The following NRIP1 variants were observed in gnomAD, a reference collection of about 807,000 sequenced individuals.
The protein encoded by NRIP1 is nuclear receptor-interacting protein 1.
In NRIP1, 28 loss-of-function variants were observed where a neutral mutation model predicts 75.0. That is an observed-to-expected ratio of 0.37 (90% CI 0.28 to 0.51). The LOEUF is 0.51. Among genes scored for constraint, NRIP1 ranks in the 20% least tolerant of loss-of-function variants. The pLI is 0.92. For missense variants in NRIP1, 1,435 were observed against 1,343.7 expected (o/e 1.07, Z -1.06); for synonymous variants, 526 against 487.6 (o/e 1.08, Z -1.04).
At chr21:15,008,478 A>G (rs1297626449) in intron 3 of NRIP1, among the ~76,000 whole-genome samples, 1 of 152,186 alleles carries the variant, frequency 6.6e-6, no homozygotes, top group East Asian at 1.9e-4. Context: ...GGGCAAAACT[A>G]GGAATGACCT....
rs369981486 is a variant in NRIP1, at chr21:15,003,750, CCT to C, written c.-335+10592_-335+10593del. On this transcript the variant is annotated intron_variant, in intron 3 of 3. Transcript: ENST00000318948. ...CAAAGCATAGGCTGCAAAATTATCC[CCT>C]GTCAAAAGAAAGAGCAGCTGCGGGT... Among the ~76,000 whole-genome samples the C allele has an allele frequency of 8.7e-4, 132 of 152,294 alleles. No homozygotes were observed. In the East Asian group the frequency reaches 0.011, roughly 12 times the overall value.
intron 1 of NRIP1, among the ~76,000 whole-genome samples, chr21:15,061,746 C>T (rs1195486682): frequency 6.6e-6 from 1 of 152,120 alleles, no homozygotes; most frequent in East Asian, 1.9e-4. Context: ...ACATTCTTTA[C>T]GTTTTAAAAT....
At chr21:14,977,598 T>C (rs980160376) in intron 3 of NRIP1, among the ~76,000 whole-genome samples, 25 of 148,310 alleles carry the variant, frequency 1.7e-4, no homozygotes, top group Admixed American at 1.4e-3. Flanking sequence ...GGAAAAAACA[T>C]TTAAAAAGGA....
At chr21:15,047,728 C>T (rs1333148161) in intron 1 of NRIP1, among the ~76,000 whole-genome samples, 2 of 152,084 alleles carry the variant, frequency 1.3e-5, no homozygotes. Context: ...ACAGCCAAAC[C>T]ATATCAGGCT....
intron 3 of NRIP1, among the ~76,000 whole-genome samples, chr21:15,006,676 C>G (rs2087980265): frequency 6.6e-6 from 1 of 152,062 alleles, no homozygotes; most frequent in Non-Finnish European, 1.5e-5. Flanking sequence ...TAAATAAATT[C>G]AAGATAACTT....
chr21:14,965,364 T>C lies in NRIP1; in HGVS notation c.2829A>G (p.Glu943=). 1.2e-6 allele frequency: 2 copies of C among 1,614,062 alleles called. No homozygotes were observed. Among genetic ancestry groups the C allele is most frequent in the Non-Finnish European group, 1.7e-6 (2 of 1,179,944 alleles). Residue 943 remains glutamate (E), a synonymous_variant, in exon 4 of 4, where the codon GAA becomes GAG. Transcript: ENST00000318948. ...GCGGGGACAAATCTCGCACACAGTT[T>C]TCTGAGAGAAGCAGCTGTTTCAGAA... ...FNVLKQLLLS[E]NCVRDLSPHR...
intron 3 of NRIP1, among the ~76,000 whole-genome samples, chr21:14,999,281 T>C (rs555792117): frequency 7.9e-5 from 12 of 152,166 alleles, no homozygotes; most frequent in Non-Finnish European, 1.5e-4. Context: ...CTGGCCACTG[T>C]AATTTTATGT....
chr21:15,031,000 T>A lies in NRIP1; in HGVS notation c.-458+12495A>T, dbSNP rs4817586. On this transcript the variant is annotated intron_variant, in intron 2 of 3. Coordinates refer to ENST00000318948, the MANE Select transcript of NRIP1 (RefSeq NM_003489.4). Reference sequence around the variant, plus strand: ...GTACACTCTGGAAGGTGTTCAGAGGTTCACCACATTCCCTTTCTATGTGTA... The same window carrying A: ...GTACACTCTGGAAGGTGTTCAGAGGATCACCACATTCCCTTTCTATGTGTA... Among the ~76,000 whole-genome samples, 293 of 123,334 alleles carry A rather than the reference T, an allele frequency of 2.4e-3. 14 individuals are homozygous for A. Among genetic ancestry groups the A allele is most frequent in the Admixed American group, 3.9e-3 (45 of 11,476 alleles). The allele number at this position is 123,334 out of a possible 152,430, so 80.9% of individuals were successfully genotyped here.
At chr21:15,039,092 G>A (rs1424979995) in intron 2 of NRIP1, among the ~76,000 whole-genome samples, 1 of 152,076 alleles carries the variant, frequency 6.6e-6, no homozygotes, top group East Asian at 1.9e-4. Context: ...TCACCAGGGT[G>A]GGCTTCACTG....
At chr21:15,021,903 C>A (rs1485024771) in intron 2 of NRIP1, among the ~76,000 whole-genome samples, 3 of 152,082 alleles carry the variant, frequency 2.0e-5, no homozygotes, top group Non-Finnish European at 4.4e-5. Context: ...CAGATGCTGG[C>A]AAGGTTGTGG....
At chr21:15,060,023 A>C (rs543522926) in intron 1 of NRIP1, among the ~76,000 whole-genome samples, 15 of 152,312 alleles carry the variant, frequency 9.8e-5, no homozygotes, top group African/African-American at 3.4e-4. Context: ...CATTTTGATA[A>C]GCTAAAATAC....
intron 2 of NRIP1, among the ~76,000 whole-genome samples, chr21:15,016,708 C>A (rs944979869): frequency 2.6e-5 from 4 of 151,918 alleles, no homozygotes; most frequent in African/African-American, 9.7e-5. Flanking sequence ...CAAGGTAAAA[C>A]CCCATTTCTA....
chr21:14,967,319 G>T lies in NRIP1; in HGVS notation c.874C>A (p.Gln292Lys). ...EHALKTQNAN[Q>K]AASERLAAMA... is the part of the protein sequence containing the mutation. ...GCAGCAAGTCTTTCACTTGCTGCTT[G>T]ATTTGCATTTTGCGTTTTTAAAGCG... Residue 292 changes from glutamine to lysine, a missense_variant, in exon 4 of 4, where the codon CAA (glutamine) becomes AAA (lysine). By Grantham distance (53) the Gln-to-Lys change is moderately conservative. Coordinates refer to ENST00000318948, the MANE Select transcript of NRIP1 (RefSeq NM_003489.4). The T allele has an allele frequency of 6.2e-7, 1 of 1,614,064 alleles. No homozygotes were observed. The highest frequency in any genetic ancestry group is 8.5e-7 in the Non-Finnish European group (1 of 1,180,004).
chr21:14,976,219 G>A (rs1013597570), intron 3 of NRIP1, among the ~76,000 whole-genome samples: 1 of 151,984 alleles, frequency 6.6e-6, no homozygotes, highest in Non-Finnish European at 1.5e-5. Flanking sequence ...ATAAAGTTAA[G>A]ATTTTACTGA....
intron 2 of NRIP1, among the ~76,000 whole-genome samples, chr21:15,025,888 G>A (rs1254623240): frequency 2.0e-5 from 3 of 152,166 alleles, no homozygotes; most frequent in Non-Finnish European, 4.4e-5. Flanking sequence ...TCCAGACTGT[G>A]GGAGACCAAA....
intron 2 of NRIP1, among the ~76,000 whole-genome samples, chr21:15,034,970 T>A (rs2088798781): frequency 6.6e-6 from 1 of 152,210 alleles, no homozygotes; most frequent in African/African-American, 2.4e-5. Flanking sequence ...ACTGATGCAC[T>A]TTATGTATTT....
At chr21:15,034,812 A>C (rs989473810) in intron 2 of NRIP1, among the ~76,000 whole-genome samples, 4 of 152,202 alleles carry the variant, frequency 2.6e-5, no homozygotes, top group African/African-American at 9.7e-5. Flanking sequence ...AAAAATAAAA[A>C]TAAAAATGTG....
intron 3 of NRIP1, among the ~76,000 whole-genome samples, chr21:14,993,635 A>T (rs949246141): frequency 6.6e-6 from 1 of 151,956 alleles, no homozygotes; most frequent in African/African-American, 2.4e-5. Flanking sequence ...AAAATAAAAA[A>T]ATAGCTGGGT....
intron 3 of NRIP1, among the ~76,000 whole-genome samples, chr21:15,012,359 T>C (rs2088122990): frequency 6.6e-6 from 1 of 151,660 alleles, no homozygotes. Context: ...CGTTTAAAAA[T>C]ATGTGAAAGG....
Sources: gnomAD v4.1 joint callset for allele counts (sites outside exome capture counted in the v4.1 genomes callset) on GRCh38, gnomAD v4.1.1 for gene constraint, MANE v1.5 for transcripts, NCBI Gene and HGNC (gene_info 2026-07-23, HGNC 2026-07-21) for gene names.